Variants in NAA15 observed in about 807,000 individuals in gnomAD.
The protein encoded by NAA15 is N-alpha-acetyltransferase 15, NatA auxiliary subunit, also known as N-terminal acetyltransferase.
NAA15 carries 34 observed loss-of-function variants against 114.0 expected under a neutral mutation model. The ratio of observed to expected loss-of-function variants is 0.30; its 90% CI spans 0.23 to 0.40. The LOEUF (loss-of-function observed/expected upper bound fraction) is 0.40, where lower values mean the gene tolerates loss of function less well. Among genes scored for constraint, NAA15 ranks in the 10% least tolerant of loss-of-function variants. The pLI is 1.00. For missense variants in NAA15, 658 were observed against 1,004.5 expected (o/e 0.66, Z 4.66); for synonymous variants, 340 against 338.0 (o/e 1.01, Z -0.06).
Position 139,301,559 on chromosome 4 carries a change from A to G in NAA15, c.-219A>G. 1.7e-6 allele frequency: 1 copy of G among 582,076 alleles called. No individual in the cohort carries two copies. The allele number at this position is 582,076 out of a possible 1,614,324, so 36.1% of individuals were successfully genotyped here. A position where few individuals can be genotyped will look rare whatever the true frequency, so the allele number is the denominator to read the frequency against. ...ACGTGAACCGCCGACGGAGACCCGT[A>G]GTGGGGGAGGCGGCGGCAGCGTTAA... is the stretch of plus-strand genomic sequence containing the variant. On this transcript the variant is annotated 5_prime_UTR_variant, in exon 1 of 20. Transcript: ENST00000296543.
chr4:139,348,994 C>CATTAAA (rs1251928758), intron 6 of NAA15, among the ~76,000 whole-genome samples: 1 of 152,142 alleles, frequency 6.6e-6, no homozygotes, highest in Non-Finnish European at 1.5e-5. Flanking sequence ...TCTTGGAAGA[C>CATTAAA]ATTAAAAGGT....
chr4:139,370,539 G>A, intron 15 of NAA15, 135 bp downstream of exon 15: 1 of 736,788 alleles, frequency 1.4e-6, no homozygotes, highest in Non-Finnish European at 1.9e-6. Context: ...TTATTTTTTA[G>A]TATTCTTTCT....
At chr4:139,370,142 A>G (rs1748394785) in intron 14 of NAA15, 69 bp from the exon 15 acceptor site, 4 of 1,238,286 alleles carry the variant, frequency 3.2e-6, no homozygotes, top group Non-Finnish European at 4.3e-6. Context: ...GGTAGGATCA[A>G]ATAATACTTA....
chr4:139,311,476 A>C (rs892116241), intron 1 of NAA15, among the ~76,000 whole-genome samples: 1 of 151,976 alleles, frequency 6.6e-6, no homozygotes, highest in South Asian at 2.1e-4. Context: ...TAATTGTAGG[A>C]TATTGGGCAG....
intron 15 of NAA15, among the ~76,000 whole-genome samples, chr4:139,375,426 T>C (rs571644463): frequency 3.2e-4 from 49 of 152,316 alleles, no homozygotes; most frequent in Middle Eastern, 6.8e-3. Flanking sequence ...GTGAATCCCA[T>C]AGAATTCACT....
At position 139,334,183 on chromosome 4, in the gene NAA15, G is replaced by T; in HGVS notation, c.64G>T (p.Glu22Ter). 6.3e-7 allele frequency: 1 copy of T among 1,585,512 alleles called. No homozygotes were observed. The highest frequency in any genetic ancestry group is 1.2e-5 in the South Asian group (1 of 84,050). ...TTTTTTGTTTTGACAGAGGTGTTATGAACATAAACAGTATAGAAATGGATT... is the reference window on the plus strand; with the variant it reads ...TTTTTTGTTTTGACAGAGGTGTTATTAACATAAACAGTATAGAAATGGATT... ...ALFKRILRCY[E>*]HKQYRNGLKF... The change falls in exon 2 of 20, where the codon GAA becomes TAA. Residue 22 changes from glutamate to a stop codon, truncating the protein, a stop_gained. Transcript: ENST00000296543. LOFTEE classifies it high-confidence loss of function.
At chr4:139,326,651 T>G (rs928042649) in intron 1 of NAA15, among the ~76,000 whole-genome samples, 1 of 152,232 alleles carries the variant, frequency 6.6e-6, no homozygotes, top group East Asian at 1.9e-4. Flanking sequence ...AAAAATTACC[T>G]TGGAATGTAA....
chr4:139,329,225 C>G (rs117068217), intron 1 of NAA15, among the ~76,000 whole-genome samples: 5 of 151,844 alleles, frequency 3.3e-5, no homozygotes, highest in African/African-American at 1.2e-4. Context: ...TTGTTTTTTT[C>G]GAATATATTT....
intron 3 of NAA15, among the ~76,000 whole-genome samples, chr4:139,338,111 T>C (rs1426887063): frequency 2.0e-5 from 3 of 152,220 alleles, no homozygotes; most frequent in Non-Finnish European, 2.9e-5. Context: ...GTGGGATTTT[T>C]AGGAGATGAA....
Position 139,322,265 on chromosome 4 carries a change from C to CATA in NAA15, c.55-11908_55-11907insTAA, listed in dbSNP as rs201042798. On this transcript the variant is annotated intron_variant, in intron 1 of 19. Transcript: ENST00000296543. ...AGTGAATGAGTTTCATGAGATCTGA[C>CATA]AGTTTTAAAAAGGGGAGTTTCCCTG... is the stretch of plus-strand genomic sequence containing the variant. Among the ~76,000 whole-genome samples, 1,159 of 152,238 alleles carry CATA rather than the reference C, an allele frequency of 7.6e-3. 12 individuals carry two copies. Among genetic ancestry groups the CATA allele is most frequent in the African/African-American group, 0.026 (1,090 of 41,524 alleles).
At chr4:139,314,048 A>G (rs1384689613) in intron 1 of NAA15, among the ~76,000 whole-genome samples, 1 of 151,986 alleles carries the variant, frequency 6.6e-6, no homozygotes, top group African/African-American at 2.4e-5. Context: ...TGTTTTACAT[A>G]TGTTAAATGG....
chr4:139,376,166 A>G (rs981235746), intron 15 of NAA15, among the ~76,000 whole-genome samples, 199 bp from the exon 16 acceptor site: 1 of 152,142 alleles, frequency 6.6e-6, no homozygotes, highest in African/African-American at 2.4e-5. Context: ...ATAATAAAGT[A>G]TCTAGGGTTA....
intron 19 of NAA15, 68 bp from the exon 20 acceptor site, chr4:139,387,816 T>A (rs184289374): frequency 1.7e-6 from 2 of 1,194,016 alleles, no homozygotes; most frequent in Non-Finnish European, 2.4e-6. Flanking sequence ...GCTGTTGAAA[T>A]GTCTAATAAA....
chr4:139,377,264 C>T (rs1450063163), intron 16 of NAA15, among the ~76,000 whole-genome samples: 1 of 152,134 alleles, frequency 6.6e-6, no homozygotes, highest in Non-Finnish European at 1.5e-5. Flanking sequence ...TGGCCAGGCG[C>T]AGCGGCTCAT....
At position 139,338,281 on chromosome 4, in the gene NAA15, G is replaced by C. The variant is rs574247487; in HGVS notation, c.244+1329G>C. ...AGTTTATAAAACCATGATCCAAACGGCTGAGAGGATTTGATCCAGTTGCAC... is the reference window on the plus strand; with the variant it reads ...AGTTTATAAAACCATGATCCAAACGCCTGAGAGGATTTGATCCAGTTGCAC... On this transcript the variant is annotated intron_variant, in intron 3 of 19. Transcript: ENST00000296543. Among the ~76,000 whole-genome samples, 21 of 152,320 alleles carry C rather than the reference G, an allele frequency of 1.4e-4. No homozygotes were observed. The East Asian group carries it at 3.8e-3, about 28-fold the overall frequency.
intron 6 of NAA15, among the ~76,000 whole-genome samples, chr4:139,346,177 T>C (rs1185815928): frequency 6.6e-6 from 1 of 152,152 alleles, no homozygotes; most frequent in Non-Finnish European, 1.5e-5. Context: ...AGGATTAATT[T>C]AGGTAAGAAC....
chr4:139,383,150 A>G (rs1475634340), intron 17 of NAA15, among the ~76,000 whole-genome samples: 1 of 152,202 alleles, frequency 6.6e-6, no homozygotes, highest in Non-Finnish European at 1.5e-5. Flanking sequence ...AATCTACGTA[A>G]TGTTTTCACA....
At chr4:139,312,616 G>A (rs1414747716) in intron 1 of NAA15, among the ~76,000 whole-genome samples, 2 of 151,820 alleles carry the variant, frequency 1.3e-5, no homozygotes, top group African/African-American at 4.8e-5. Context: ...AGGCCAATGT[G>A]GAAAATCTCT....
chr4:139,315,051 G>GTTAGGTTAGGTTAGGTTAGTTTAGT lies in NAA15; in HGVS notation c.54+13224_54+13225insGTTAGGTTAGGTTAGTTTAGTTTAG, dbSNP rs1553992557. Among the ~76,000 whole-genome samples, 363 of 112,406 alleles carry GTTAGGTTAGGTTAGGTTAGTTTAGT rather than the reference G, an allele frequency of 3.2e-3. 10 individuals carry two copies. Among genetic ancestry groups the GTTAGGTTAGGTTAGGTTAGTTTAGT allele is most frequent in the East Asian group, 0.012 (48 of 4,106 alleles). The allele number at this position is 112,406 out of a possible 152,430, so 73.7% of individuals were successfully genotyped here. ...GTTAGGTTAGGTTAGGTTAGGTTAG[G>GTTAGGTTAGGTTAGGTTAGTTTAGT]TTAGTTTAGTTTAGTTTAGTTTAGT... On this transcript the variant is annotated intron_variant, in intron 1 of 19. Coordinates refer to ENST00000296543, the MANE Select transcript of NAA15 (RefSeq NM_057175.5).
Sources: allele counts gnomAD v4.1 joint callset (sites outside exome capture counted in the v4.1 genomes callset), GRCh38; gene constraint gnomAD v4.1.1; transcripts MANE v1.5; gene names NCBI Gene and HGNC (gene_info 2026-07-23, HGNC 2026-07-21).